CABCOCO1: variants seen among roughly 807,000 people sequenced by gnomAD.
The protein encoded by CABCOCO1 is ciliary associated calcium binding coiled-coil 1.
A neutral mutation model predicts 35.7 loss-of-function variants in CABCOCO1; 28 were observed. That is an observed-to-expected ratio of 0.78 (90% confidence interval 0.58 to 1.07). The LOEUF (loss-of-function observed/expected upper bound fraction) is 1.07, where lower values mean the gene tolerates loss of function less well. Ranked by LOEUF, CABCOCO1 falls within the 50% of genes least tolerant of loss-of-function variation. CABCOCO1 has a pLI of 0.00. For missense variants in CABCOCO1, 326 were observed against 309.2 expected (o/e 1.05, Z -0.41); for synonymous variants, 95 against 100.1 (o/e 0.95, Z 0.30).
intron 7 of CABCOCO1, among the ~76,000 whole-genome samples, chr10:61,765,124 AC>A (rs539481456): frequency 1.3e-5 from 2 of 152,190 alleles, no homozygotes; most frequent in Non-Finnish European, 2.9e-5. Flanking sequence ...TACTCCTTAT[AC>A]AGCGGTAGAC....
intron 6 of CABCOCO1, among the ~76,000 whole-genome samples, chr10:61,760,633 C>T (rs1841990066): frequency 6.6e-6 from 1 of 151,908 alleles, no homozygotes. Context: ...GGGAGAACAT[C>T]AGGACAAATA....
At chr10:61,752,871 A>T (rs1356812316) in intron 5 of CABCOCO1, among the ~76,000 whole-genome samples, 2 of 152,206 alleles carry the variant, frequency 1.3e-5, no homozygotes, top group Non-Finnish European at 2.9e-5. Context: ...ACTGAAGTGC[A>T]GTTCAATCAG....
chr10:61,745,568 C>T (rs545770771), intron 5 of CABCOCO1, among the ~76,000 whole-genome samples: 1 of 152,140 alleles, frequency 6.6e-6, no homozygotes, highest in East Asian at 1.9e-4. Context: ...GCATTTGTAT[C>T]CCTGCCTTCT....
intron 3 of CABCOCO1, among the ~76,000 whole-genome samples, chr10:61,683,265 A>G (rs1430529885): frequency 1.3e-5 from 2 of 152,158 alleles, no homozygotes; most frequent in Non-Finnish European, 2.9e-5. Flanking sequence ...CATTTTACAT[A>G]GAAAGAAAGT....
chr10:61,674,634 A>C (rs56086623), intron 2 of CABCOCO1, among the ~76,000 whole-genome samples: 60,179 of 151,998 alleles, frequency 0.4, 13,975 homozygotes, highest in Middle Eastern at 0.54. Context: ...AAAATCATAG[A>C]GTCTACAAAG....
intron 5 of CABCOCO1, among the ~76,000 whole-genome samples, chr10:61,709,239 G>T (rs953532989): frequency 6.6e-6 from 1 of 151,996 alleles, no homozygotes; most frequent in African/African-American, 2.4e-5. Context: ...CTCAAAAGAG[G>T]CTCCCCAAAT....
chr10:61,707,049 T>C (rs1450305206), intron 5 of CABCOCO1, among the ~76,000 whole-genome samples: 1 of 152,162 alleles, frequency 6.6e-6, no homozygotes, highest in Non-Finnish European at 1.5e-5. Flanking sequence ...TCTATAGTAA[T>C]TGATACCAGG....
At chr10:61,675,887 A>G (rs932700191) in intron 2 of CABCOCO1, among the ~76,000 whole-genome samples, 2 of 152,044 alleles carry the variant, frequency 1.3e-5, no homozygotes, top group African/African-American at 4.8e-5. Context: ...AGTGTAGATT[A>G]AAGCAATTAT....
chr10:61,754,913 T>G (rs2588992), intron 5 of CABCOCO1, among the ~76,000 whole-genome samples: 1 of 152,016 alleles, frequency 6.6e-6, no homozygotes, highest in African/African-American at 2.4e-5. Context: ...ATTCATACTC[T>G]GCAGAAGCCT....
chr10:61,694,942 T>C (rs1326910699), intron 5 of CABCOCO1, among the ~76,000 whole-genome samples: 1 of 152,092 alleles, frequency 6.6e-6, no homozygotes, highest in African/African-American at 2.4e-5. Flanking sequence ...TGGATTTAGG[T>C]TGGATGTGTA....
intron 1 of CABCOCO1, among the ~76,000 whole-genome samples, chr10:61,670,058 G>A (rs1021527370): frequency 6.6e-6 from 1 of 152,032 alleles, no homozygotes; most frequent in African/African-American, 2.4e-5. Context: ...AATGTCATCA[G>A]ATGATGAAGA....
chr10:61,744,919 G>A (rs1003147153), intron 5 of CABCOCO1, among the ~76,000 whole-genome samples: 4 of 152,124 alleles, frequency 2.6e-5, no homozygotes, highest in African/African-American at 7.2e-5. Flanking sequence ...CCAAATGTGC[G>A]CTATATTCTG....
intron 5 of CABCOCO1, among the ~76,000 whole-genome samples, chr10:61,706,419 G>A (rs1840593914): frequency 6.6e-6 from 1 of 152,136 alleles, no homozygotes; most frequent in Admixed American, 6.6e-5. Flanking sequence ...AACTTGAAAT[G>A]TTCCTTAAGA....
intron 3 of CABCOCO1, among the ~76,000 whole-genome samples, chr10:61,683,039 C>A (rs551644448): frequency 6.6e-6 from 1 of 151,942 alleles, no homozygotes; most frequent in Admixed American, 6.6e-5. Flanking sequence ...TACAGGCATG[C>A]GCTACCACGC....
At chr10:61,695,522 C>A (rs1424823710) in intron 5 of CABCOCO1, among the ~76,000 whole-genome samples, 1 of 152,000 alleles carries the variant, frequency 6.6e-6, no homozygotes, top group Non-Finnish European at 1.5e-5. Flanking sequence ...TAAATCTACA[C>A]CAAACATATT....
chr10:61,682,712 T>C (rs915718112), intron 3 of CABCOCO1, among the ~76,000 whole-genome samples: 1 of 152,100 alleles, frequency 6.6e-6, no homozygotes, highest in South Asian at 2.1e-4. Flanking sequence ...TGCCAGCTTA[T>C]GAGAGAAATT....
chr10:61,762,521 A>G (rs927306987), intron 7 of CABCOCO1, among the ~76,000 whole-genome samples: 19 of 152,106 alleles, frequency 1.2e-4, no homozygotes, highest in African/African-American at 4.6e-4. Flanking sequence ...TGTAGACATC[A>G]GCCTGGGCCA....
chr10:61,663,001 C>CGACCCCGGCAGGGCT lies in CABCOCO1; in HGVS notation c.38_39insAGGGCTGACCCCGGC (p.Gly14_Thr15insLeuThrProAlaGly). 1 of 360,046 alleles carries CGACCCCGGCAGGGCT rather than the reference C, an allele frequency of 2.8e-6. No homozygotes were observed. The highest frequency in any genetic ancestry group is 2.3e-5 in the African/African-American group (1 of 44,412). The allele number at this position is 360,046 out of a possible 1,614,324, so 22.3% of individuals were successfully genotyped here. ...TCGCAGGGGACGACTCCCTGGGGGC[C>CGACCCCGGCAGGGCT]GACCCCGGCGGGAACCACGCCCGAA... On this transcript the variant is annotated inframe_insertion, in exon 1 of 8. Coordinates refer to ENST00000648843, the MANE Select transcript of CABCOCO1 (RefSeq NM_001366906.2).
intron 5 of CABCOCO1, among the ~76,000 whole-genome samples, chr10:61,705,630 T>C (rs1840575384): frequency 6.6e-6 from 1 of 152,196 alleles, no homozygotes; most frequent in Non-Finnish European, 1.5e-5. Context: ...AAGAGGTATA[T>C]TAGAGAGCTT....
Sources: gnomAD v4.1 joint callset for allele counts (sites outside exome capture counted in the v4.1 genomes callset) on GRCh38, gnomAD v4.1.1 for gene constraint, MANE v1.5 for transcripts, NCBI Gene and HGNC (gene_info 2026-07-23, HGNC 2026-07-21) for gene names.